TVP23A: variants seen among roughly 807,000 people sequenced by gnomAD.
TVP23A encodes trans-golgi network vesicle protein 23 homolog A.
TVP23A carries 21 observed loss-of-function variants against 31.7 expected under a neutral mutation model. The observed-to-expected ratio is 0.66, with a 90% CI of 0.47 to 0.95. The LOEUF is 0.95. Ranked by LOEUF, TVP23A falls within the 40% of genes least tolerant of loss-of-function variation. The probability of loss-of-function intolerance (pLI) is 0.00; values close to 1 mark genes in which losing one functional copy is unlikely to be tolerated. For synonymous variants in TVP23A, 104 were observed against 96.0 expected (o/e 1.08, Z -0.49); for missense variants, 279 against 255.6 (o/e 1.09, Z -0.62).
Position 10,779,738 on chromosome 16 carries a change from TC to T in TVP23A, c.90-4643del, listed in dbSNP as rs2032304113. On this transcript the variant is annotated intron_variant, in intron 2 of 7. Coordinates refer to ENST00000299866, the MANE Select transcript of TVP23A (RefSeq NM_001079512.4). The surrounding 1 kb of genome is among the most constrained non-coding windows in gnomAD (Gnocchi z 4.9). ...AGGCCAACTTAAAATTACCAAGTTT[TC>T]CAGAGCTTATATACCTTCTGAGCTA... Among the ~76,000 whole-genome samples the T allele has an allele frequency of 6.6e-6, 1 of 152,236 alleles. No homozygotes were observed. The highest frequency in any genetic ancestry group is 2.1e-4 in the South Asian group (1 of 4,834).
rs952540248 is a variant in TVP23A at position 10,779,017 on chromosome 16, A to G, written c.90-3921T>C. Among the ~76,000 whole-genome samples, 2 of 152,190 alleles carry G rather than the reference A, an allele frequency of 1.3e-5. No homozygotes were observed. The highest frequency in any genetic ancestry group is 1.3e-4 in the Admixed American group (2 of 15,274). On this transcript the variant is annotated intron_variant, in intron 2 of 7. Coordinates refer to ENST00000299866, the MANE Select transcript of TVP23A (RefSeq NM_001079512.4). This position sits in a 1 kb window ranked among gnomAD's most constrained non-coding sequence, Gnocchi z 4.9. ...GTGTGAGCCAAGTGTGCGCTGACCC[A>G]TGGTAAAATGTGGAAGTAAATGCAT...
chr16:10,772,621 C>T (rs147028570), intron 5 of TVP23A, among the ~76,000 whole-genome samples: 1,603 of 152,212 alleles, frequency 0.011, 28 homozygotes, highest in African/African-American at 0.036. Context: ...TCACCTGCCA[C>T]AGCCTCCCAA....
At chr16:10,776,113 A>G (rs540830143) in intron 2 of TVP23A, among the ~76,000 whole-genome samples, 1 of 150,804 alleles carries the variant, frequency 6.6e-6, no homozygotes, top group African/African-American at 2.4e-5. Context: ...GGTGGCTCAC[A>G]CCTGTAATGC....
rs1043600662 is a variant in TVP23A, at chr16:10,809,221, G to A, written c.89+8882C>T. Among the ~76,000 whole-genome samples the A allele has an allele frequency of 1.2e-4, 18 of 152,258 alleles. No individual in the cohort carries two copies. The South Asian group carries it at 3.1e-3, about 26-fold the overall frequency. ...CAGCCAACATCAACCCCATTTTACA[G>A]AAAAGAAAAGTGGGTACCCAGAAGG... On this transcript the variant is annotated intron_variant, in intron 2 of 7. Coordinates refer to ENST00000299866, the MANE Select transcript of TVP23A (RefSeq NM_001079512.4).
chr16:10,773,207 A>C (rs1274155113), intron 5 of TVP23A, 106 bp downstream of exon 5: 14 of 1,382,460 alleles, frequency 1.0e-5, no homozygotes, highest in Non-Finnish European at 1.4e-5. Context: ...TAAACTTGTT[A>C]TAATTGATCA....
At chr16:10,757,455 T>C (rs1720637413), downstream of TVP23A, among the ~76,000 whole-genome samples, 1 of 152,176 alleles carries the variant, frequency 6.6e-6, no homozygotes, top group South Asian at 2.1e-4. This position sits in a 1 kb window ranked among gnomAD's most constrained non-coding sequence, Gnocchi z 4.1. Flanking sequence ...ACTATTGATA[T>C]TTTGAGCCAG....
In TVP23A at chr16:10,818,053, T is replaced by A. The variant is rs749600828; in HGVS notation, c.89+50A>T. On this transcript the variant is annotated intron_variant, in intron 2 of 7. Coordinates refer to ENST00000299866, the MANE Select transcript of TVP23A (RefSeq NM_001079512.4). The surrounding 1 kb of genome is among the most constrained non-coding windows in gnomAD (Gnocchi z 4.7). Reference sequence around the variant, plus strand: ...TTGAATGAATGAGTGAGTAAATGAATGAATTTGCAGCTTTGGGGAACGCCT... The same window carrying A: ...TTGAATGAATGAGTGAGTAAATGAAAGAATTTGCAGCTTTGGGGAACGCCT... 6 of 1,468,894 alleles carry A rather than the reference T, an allele frequency of 4.1e-6. No homozygotes were observed. The highest frequency in any genetic ancestry group is 1.7e-4 in the Middle Eastern group (1 of 5,826). 91.0% of individuals were successfully genotyped at this position (1,468,894 alleles called of 1,614,324 possible).
intron 2 of TVP23A, among the ~76,000 whole-genome samples, chr16:10,806,905 C>G: frequency 6.6e-6 from 1 of 152,162 alleles, no homozygotes; most frequent in East Asian, 1.9e-4. Context: ...GAGTTAATTT[C>G]AAAATACGTA....
intron 3 of TVP23A, 55 bp from the exon 4 acceptor site, chr16:10,774,183 A>T (rs2031833186): frequency 7.4e-7 from 1 of 1,360,458 alleles, no homozygotes; most frequent in Non-Finnish European, 1.0e-6. Flanking sequence ...AGGCTTATTC[A>T]CTGTATTGAT....
At chr16:10,775,317 C>T (rs1364442928) in intron 2 of TVP23A, 8 of 1,379,846 alleles carry the variant, frequency 5.8e-6, no homozygotes, top group Non-Finnish European at 7.5e-6. Flanking sequence ...TCCTCCCCTT[C>T]GAAGAATCCA....
rs367705460 is a variant in TVP23A at position 10,779,805 on chromosome 16, T to C, written c.90-4709A>G. Among the ~76,000 whole-genome samples the C allele has an allele frequency of 1.7e-4, 26 of 152,298 alleles. No homozygotes were observed. The highest frequency in any genetic ancestry group is 6.0e-4 in the African/African-American group (25 of 41,574). On this transcript the variant is annotated intron_variant, in intron 2 of 7. Transcript: ENST00000299866. This position sits in a 1 kb window ranked among gnomAD's most constrained non-coding sequence, Gnocchi z 4.9. ...TTTGCATTCATCTAAAATAAGTGATTGGCCGGGGGCGGTGGCTCACGCCTG... is the reference window on the plus strand; with the variant it reads ...TTTGCATTCATCTAAAATAAGTGATCGGCCGGGGGCGGTGGCTCACGCCTG...
At chr16:10,799,056 G>A (rs2033560481) in intron 2 of TVP23A, among the ~76,000 whole-genome samples, 1 of 152,164 alleles carries the variant, frequency 6.6e-6, no homozygotes, top group South Asian at 2.1e-4. Flanking sequence ...AGGCCCACAT[G>A]GCAAGGAACT....
At chr16:10,771,106 C>CT (rs2031581123) in intron 6 of TVP23A, among the ~76,000 whole-genome samples, 1 of 152,022 alleles carries the variant, frequency 6.6e-6, no homozygotes, top group South Asian at 2.1e-4. Context: ...GGGTACTGAG[C>CT]TTAAGTTTTG....
intron 2 of TVP23A, among the ~76,000 whole-genome samples, chr16:10,792,983 A>C (rs2033187531): frequency 6.6e-6 from 1 of 152,110 alleles, no homozygotes; most frequent in South Asian, 2.1e-4. Flanking sequence ...TCTGTTCTTT[A>C]TTTCTTTTTA....
At chr16:10,799,270 G>A (rs1257512644) in intron 2 of TVP23A, among the ~76,000 whole-genome samples, 1 of 152,242 alleles carries the variant, frequency 6.6e-6, no homozygotes, top group African/African-American at 2.4e-5. Flanking sequence ...TAGCTGCTAA[G>A]TTGGGGGAAA....
intron 2 of TVP23A, among the ~76,000 whole-genome samples, chr16:10,816,747 T>C (rs1484732342): frequency 6.6e-6 from 1 of 151,960 alleles, no homozygotes; most frequent in Non-Finnish European, 1.5e-5. Flanking sequence ...TGGGGAGGGA[T>C]AGCATTAGGT....
chr16:10,801,936 C>A (rs538625841), intron 2 of TVP23A, among the ~76,000 whole-genome samples: 15 of 151,996 alleles, frequency 9.9e-5, no homozygotes, highest in African/African-American at 3.6e-4. Flanking sequence ...TCCGAAAGGC[C>A]AAGGCAGGAG....
intron 2 of TVP23A, among the ~76,000 whole-genome samples, chr16:10,782,103 C>T (rs969174114): frequency 2.0e-5 from 3 of 151,900 alleles, no homozygotes; most frequent in Admixed American, 2.0e-4. Context: ...CTCAGGTGAT[C>T]CACCTGCCTC....
intron 2 of TVP23A, among the ~76,000 whole-genome samples, chr16:10,804,155 G>T (rs2033836775): frequency 6.6e-6 from 1 of 152,158 alleles, no homozygotes; most frequent in Non-Finnish European, 1.5e-5. Context: ...CGTGGGGCTG[G>T]CCTATCCACA....
Sources: gnomAD v4.1 joint callset for allele counts (sites outside exome capture counted in the v4.1 genomes callset) on GRCh38, gnomAD v4.1.1 for gene constraint, Gnocchi (gnomAD v3.1) non-coding constraint, MANE v1.5 for transcripts, NCBI Gene and HGNC (gene_info 2026-07-23, HGNC 2026-07-21) for gene names.